The following CDH19 variants were observed in gnomAD, a reference collection of about 807,000 sequenced individuals.
CDH19 encodes cadherin 19, also known as cadherin-19.
A neutral mutation model predicts 64.2 loss-of-function variants in CDH19; 67 were observed. The ratio of observed to expected loss-of-function variants is 1.04; its 90% CI spans 0.86 to 1.28. The LOEUF (loss-of-function observed/expected upper bound fraction) is 1.28. CDH19 is among the 50% of genes most tolerant of loss of function. The pLI is 0.00. For missense variants in CDH19, 1,030 were observed against 929.0 expected, an observed-to-expected ratio of 1.11 and a Z score of -1.41; for synonymous variants, 346 against 319.3, an observed-to-expected ratio of 1.08 and a Z score of -0.89.
chr18:66,523,215 C>T (rs921313750), intron 9 of CDH19, among the ~76,000 whole-genome samples: 1 of 152,052 alleles, frequency 6.6e-6, no homozygotes, highest in African/African-American at 2.4e-5. Flanking sequence ...AGGCCTGGCT[C>T]GGTATCAGCC....
In CDH19 at chr18:66,553,669, A is replaced by T. The variant is rs564087653; in HGVS notation, c.610+736T>A. On this transcript the variant is annotated intron_variant, in intron 4 of 11. Coordinates refer to ENST00000262150, the MANE Select transcript of CDH19 (RefSeq NM_021153.4). Reference sequence around the variant, plus strand: ...CTTGGGTGATTAGTTATATATATATATTTTTTCAGTGGAGACTATAATCTT... The same window carrying T: ...CTTGGGTGATTAGTTATATATATATTTTTTTTCAGTGGAGACTATAATCTT... Among the ~76,000 whole-genome samples, 21 of 132,198 alleles carry T rather than the reference A, an allele frequency of 1.6e-4. 3 individuals are homozygous for T. Among genetic ancestry groups the T allele is most frequent in the Middle Eastern group, 3.6e-3 (1 of 280 alleles). The allele number at this position is 132,198 out of a possible 152,430, so 86.7% of individuals were successfully genotyped here. A position where few individuals can be genotyped will look rare whatever the true frequency, so the allele number is the denominator to read the frequency against.
chr18:66,514,729 T>C (rs896532127), intron 9 of CDH19, among the ~76,000 whole-genome samples: 2 of 151,598 alleles, frequency 1.3e-5, no homozygotes, highest in Non-Finnish European at 3.0e-5. Flanking sequence ...TTATGCACTA[T>C]GTCTTTTTTT....
At chr18:66,523,611 TG>T (rs1368345021) in intron 9 of CDH19, among the ~76,000 whole-genome samples, 2 of 83,768 alleles carry the variant, frequency 2.4e-5, no homozygotes, top group African/African-American at 4.6e-5. Context: ...TTACACTCGG[TG>T]GGGGTGGGGG....
intron 5 of CDH19, among the ~76,000 whole-genome samples, chr18:66,549,007 G>A (rs1987243148): frequency 1.3e-5 from 2 of 151,948 alleles, no homozygotes; most frequent in African/African-American, 4.8e-5. Flanking sequence ...CACAACAGAG[G>A]GTATAGGTAT....
intron 3 of CDH19, among the ~76,000 whole-genome samples, chr18:66,559,007 C>T (rs894284904): frequency 1.5e-4 from 23 of 151,940 alleles, no homozygotes; most frequent in Admixed American, 7.9e-4. Flanking sequence ...GTCAGAATCA[C>T]TCCGAAGAGG....
chr18:66,566,252 A>G (rs987780715), intron 3 of CDH19, among the ~76,000 whole-genome samples: 1 of 150,128 alleles, frequency 6.7e-6, no homozygotes, highest in African/African-American at 2.5e-5. Flanking sequence ...TGTCCCTTCT[A>G]TAAGTACAAT....
At chr18:66,588,728 T>C (rs893186460) in intron 1 of CDH19, among the ~76,000 whole-genome samples, 1 of 151,084 alleles carries the variant, frequency 6.6e-6, no homozygotes, top group Admixed American at 6.6e-5. Flanking sequence ...ACCAGAAATA[T>C]GTCATAGGGA....
rs534707267 is a variant in CDH19, at chr18:66,516,644, G to T, written c.1459-4959C>A. Among the ~76,000 whole-genome samples the T allele has an allele frequency of 4.6e-5, 7 of 152,140 alleles. No individual in the cohort carries two copies. The South Asian group carries it at 1.5e-3, about 32-fold the overall frequency. On this transcript the variant is annotated intron_variant, in intron 9 of 11. Coordinates refer to ENST00000262150, the MANE Select transcript of CDH19 (RefSeq NM_021153.4). ...ATTCTCCTGAAACTGCATGACTGCAGTCTTACCTAATAAATATAATTGATT... is the reference window on the plus strand; with the variant it reads ...ATTCTCCTGAAACTGCATGACTGCATTCTTACCTAATAAATATAATTGATT...
At chr18:66,549,512 A>G (rs1413548830) in intron 5 of CDH19, among the ~76,000 whole-genome samples, 1 of 152,150 alleles carries the variant, frequency 6.6e-6, no homozygotes, top group Admixed American at 6.5e-5. Flanking sequence ...AAGACAACAT[A>G]TGTATCATAT....
chr18:66,565,835 GA>G (rs1477212767), intron 3 of CDH19, among the ~76,000 whole-genome samples: 3 of 151,842 alleles, frequency 2.0e-5, no homozygotes, highest in Non-Finnish European at 4.4e-5. Flanking sequence ...CCCTCTCATG[GA>G]AAGGTTACAC....
chr18:66,528,175 T>C (rs1419136479), intron 9 of CDH19, among the ~76,000 whole-genome samples: 1 of 152,138 alleles, frequency 6.6e-6, no homozygotes, highest in Non-Finnish European at 1.5e-5. Context: ...AAGTTGCTTG[T>C]TATATTTGTC....
intron 10 of CDH19, among the ~76,000 whole-genome samples, chr18:66,510,773 G>C (rs1985444389): frequency 6.6e-6 from 1 of 151,276 alleles, no homozygotes; most frequent in East Asian, 1.9e-4. Flanking sequence ...AATTTGACGA[G>C]GGCAAAACAG....
chr18:66,558,155 T>A (rs536006668), intron 3 of CDH19, among the ~76,000 whole-genome samples: 1 of 143,402 alleles, frequency 7.0e-6, no homozygotes, highest in Non-Finnish European at 1.5e-5. Context: ...ATCATATATC[T>A]TTATCTCATA....
chr18:66,550,995 G>T (rs1190147225), intron 5 of CDH19, 99 bp downstream of exon 5: 2 of 576,610 alleles, frequency 3.5e-6, no homozygotes, highest in African/African-American at 1.9e-5. Context: ...TAATTTTAGT[G>T]TTAATGTAGT....
chr18:66,557,715 C>T lies in CDH19; in HGVS notation c.491-3191G>A, dbSNP rs138357373. Among the ~76,000 whole-genome samples, 108 of 151,930 alleles carry T rather than the reference C, an allele frequency of 7.1e-4. 1 individual carries two copies. Among genetic ancestry groups the T allele is most frequent in the Non-Finnish European group, 1.2e-3 (84 of 67,930 alleles). On this transcript the variant is annotated intron_variant, in intron 3 of 11. Coordinates refer to ENST00000262150, the MANE Select transcript of CDH19 (RefSeq NM_021153.4). Reference sequence around the variant, plus strand: ...TGAGTATTAAGTGATTCACTCCTTACATTTTTTGTGTGTGAGAAGATGTTT... The same window carrying T: ...TGAGTATTAAGTGATTCACTCCTTATATTTTTTGTGTGTGAGAAGATGTTT...
chr18:66,510,243 TAAG>T (rs1231125887), intron 10 of CDH19, among the ~76,000 whole-genome samples: 1 of 151,676 alleles, frequency 6.6e-6, no homozygotes, highest in Non-Finnish European at 1.5e-5. Context: ...ATGAAACCCT[TAAG>T]GTCTATAAAG....
chr18:66,536,060 C>T (rs1281202310), intron 7 of CDH19, among the ~76,000 whole-genome samples: 1 of 149,820 alleles, frequency 6.7e-6, no homozygotes, highest in Admixed American at 6.7e-5. Context: ...TGATCTCCAC[C>T]TCCACAATGA....
At chr18:66,561,161 A>G (rs1248813821) in intron 3 of CDH19, among the ~76,000 whole-genome samples, 1 of 152,090 alleles carries the variant, frequency 6.6e-6, no homozygotes, top group Non-Finnish European at 1.5e-5. Context: ...ACTGTTTCTC[A>G]CACTCCATGG....
chr18:66,577,547 C>T lies in CDH19; in HGVS notation c.-112-5231G>A, dbSNP rs76829814. 2.8e-3 allele frequency among the ~76,000 whole-genome samples: 425 copies of T among 151,852 alleles called. 2 individuals are homozygous for T. Among genetic ancestry groups the T allele is most frequent in the African/African-American group, 9.7e-3 (401 of 41,484 alleles). ...AAAGATACTTTCATCCATACTTTAC[C>T]GTGCATGAGGTCACAAAAAGTGAAT... On this transcript the variant is annotated intron_variant, in intron 1 of 11. Coordinates refer to ENST00000262150, the MANE Select transcript of CDH19 (RefSeq NM_021153.4).
Sources: allele counts gnomAD v4.1 joint callset (sites outside exome capture counted in the v4.1 genomes callset), GRCh38; gene constraint gnomAD v4.1.1; transcripts MANE v1.5; gene names NCBI Gene and HGNC (gene_info 2026-07-23, HGNC 2026-07-21).